SNAP91: variants seen among roughly 807,000 people sequenced by gnomAD.
SNAP91 encodes the protein synaptosome associated protein 91, also known as clathrin coat assembly protein AP180.
SNAP91 carries 27 observed loss-of-function variants against 100.3 expected under a neutral mutation model. The observed-to-expected ratio is 0.27, with a 90% CI of 0.20 to 0.37. SNAP91 has a LOEUF of 0.37. Ranked by LOEUF, SNAP91 falls within the 10% of genes least tolerant of loss-of-function variation. The pLI, the probability that SNAP91 is intolerant of heterozygous loss-of-function variation, is 1.00. For missense variants in SNAP91, 986 were observed against 1,123.7 expected, an observed-to-expected ratio of 0.88 and a Z score of 1.75; for synonymous variants, 404 against 398.6, an observed-to-expected ratio of 1.01 and a Z score of -0.16.
At chr6:83,558,961 G>T (rs1205585295) in intron 28 of SNAP91, among the ~76,000 whole-genome samples, 2 of 152,202 alleles carry the variant, frequency 1.3e-5, no homozygotes, top group Non-Finnish European at 2.9e-5. Flanking sequence ...TCAACAAAGT[G>T]TAACATATTT....
chr6:83,698,674 G>A (rs777433563), intron 2 of SNAP91, among the ~76,000 whole-genome samples: 6 of 152,166 alleles, frequency 3.9e-5, no homozygotes, highest in Non-Finnish European at 8.8e-5. Context: ...GCATTTGTAA[G>A]CATAGCTTTC....
intron 12 of SNAP91, among the ~76,000 whole-genome samples, chr6:83,609,290 G>A (rs1468725723): frequency 2.6e-5 from 4 of 151,980 alleles, no homozygotes; most frequent in Non-Finnish European, 5.9e-5. Context: ...CCAAAATGTA[G>A]AAACAGACCA....
At chr6:83,620,985 G>C (rs904643309) in intron 9 of SNAP91, among the ~76,000 whole-genome samples, 2 of 151,872 alleles carry the variant, frequency 1.3e-5, no homozygotes, top group Non-Finnish European at 2.9e-5. Flanking sequence ...TTACAGGCGT[G>C]AGCCACCGCG....
chr6:83,629,365 G>T (rs2097111071), intron 8 of SNAP91, among the ~76,000 whole-genome samples: 1 of 152,080 alleles, frequency 6.6e-6, no homozygotes, highest in Non-Finnish European at 1.5e-5. Context: ...GGTTCCACAT[G>T]AATTTTAGAA....
rs142128247 is a variant in SNAP91 at position 83,652,380 on chromosome 6, C to G, written c.658+4374G>C. 9.2e-5 allele frequency among the ~76,000 whole-genome samples: 14 copies of G among 151,948 alleles called. No homozygotes were observed. In the East Asian group the frequency reaches 2.7e-3, roughly 29 times the overall value. On this transcript the variant is annotated intron_variant, in intron 7 of 29. Coordinates refer to ENST00000369694, the MANE Select transcript of SNAP91 (RefSeq NM_001242792.2). ...GCATATCAATTACACTTCTTTTTTA[C>G]TTTTTTAGTGGTTCCCATAGAGTTT... is the stretch of plus-strand genomic sequence containing the variant.
chr6:83,684,459 C>T (rs114993251), intron 2 of SNAP91, among the ~76,000 whole-genome samples: 2,349 of 152,230 alleles, frequency 0.015, 69 homozygotes, highest in African/African-American at 0.051. Flanking sequence ...TCTTCTTCCA[C>T]CTGTCCATGA....
rs554062613 is a variant in SNAP91 at position 83,612,701 on chromosome 6, C to A, written c.885-2024G>T. 7.6e-4 allele frequency among the ~76,000 whole-genome samples: 116 copies of A among 151,966 alleles called. No homozygotes were observed. The Middle Eastern group carries it at 0.014, about 18-fold the overall frequency. On this transcript the variant is annotated intron_variant, in intron 11 of 29. Transcript: ENST00000369694. ...CACCAGCCTGGCCAATATGGCGAAA[C>A]CCTGTCTCTACTAAAAATACAAAAA...
chr6:83,707,922 C>G lies in SNAP91; in HGVS notation c.6G>C (p.Ser2=), dbSNP rs756271709. The G allele has an allele frequency of 1.9e-6, 3 of 1,582,738 alleles. No homozygotes were observed. The South Asian group carries it at 3.5e-5, about 19-fold the overall frequency. M[S]GQTLTDRIAA... ...CGATCCGATCCGTGAGCGTTTGGCC[C>G]GACATCTTCTGTGGTCGCGTCTACC... Residue 2 remains serine (S), a synonymous_variant, in exon 2 of 30, where the codon TCG becomes TCC. Transcript: ENST00000369694.
At chr6:83,694,066 A>G (rs1243258857) in intron 2 of SNAP91, among the ~76,000 whole-genome samples, 1 of 152,254 alleles carries the variant, frequency 6.6e-6, no homozygotes, top group Non-Finnish European at 1.5e-5. Flanking sequence ...GTCCACTGAC[A>G]TAAAAGAAGT....
intron 2 of SNAP91, among the ~76,000 whole-genome samples, chr6:83,692,416 G>C (rs190853747): frequency 6.6e-6 from 1 of 152,070 alleles, no homozygotes; most frequent in Non-Finnish European, 1.5e-5. Context: ...TCAGGAGGTT[G>C]AGGCAGAAGA....
chr6:83,559,258 T>C (rs866758351), intron 28 of SNAP91, among the ~76,000 whole-genome samples: 3 of 152,130 alleles, frequency 2.0e-5, no homozygotes, highest in African/African-American at 7.2e-5. Flanking sequence ...GGGTTGAAGA[T>C]TGAGTTCCAC....
At chr6:83,613,211 C>T (rs1035965199) in intron 11 of SNAP91, among the ~76,000 whole-genome samples, 1 of 152,122 alleles carries the variant, frequency 6.6e-6, no homozygotes, top group African/African-American at 2.4e-5. Flanking sequence ...TACCACATTA[C>T]ATCTTAGTTG....
At chr6:83,654,882 A>G (rs562749211) in intron 7 of SNAP91, among the ~76,000 whole-genome samples, 30 of 152,218 alleles carry the variant, frequency 2.0e-4, no homozygotes, top group Admixed American at 5.9e-4. Flanking sequence ...AGGCAGCTAC[A>G]GAACTAGGTA....
chr6:83,666,973 T>C (rs899886564), intron 2 of SNAP91, among the ~76,000 whole-genome samples: 2 of 152,100 alleles, frequency 1.3e-5, no homozygotes, highest in African/African-American at 4.8e-5. Context: ...GTAATGTCTG[T>C]TTCACATACA....
chr6:83,589,488 T>G (rs186932576), intron 22 of SNAP91, among the ~76,000 whole-genome samples: 136 of 152,208 alleles, frequency 8.9e-4, no homozygotes, highest in African/African-American at 3.2e-3. Context: ...CTACGGAAAT[T>G]AAAAGTAAGT....
chr6:83,559,509 AG>A (rs1167571642), intron 28 of SNAP91, among the ~76,000 whole-genome samples: 1 of 152,202 alleles, frequency 6.6e-6, no homozygotes, highest in African/African-American at 2.4e-5. Flanking sequence ...AACTCTTATA[AG>A]TTTAGTACTT....
intron 5 of SNAP91, among the ~76,000 whole-genome samples, 165 bp downstream of exon 5, chr6:83,661,337 C>A (rs2098539992): frequency 6.6e-6 from 1 of 152,106 alleles, no homozygotes; most frequent in East Asian, 1.9e-4. Flanking sequence ...ATGCATATTG[C>A]AACTTCAAGG....
At chr6:83,686,897 T>C (rs1436077117) in intron 2 of SNAP91, 1 of 152,220 alleles carries the variant, frequency 6.6e-6, no homozygotes, top group Non-Finnish European at 1.5e-5. Flanking sequence ...CTCTTGCTAA[T>C]TAACAATAAT....
At chr6:83,671,940 T>C (rs1330692400) in intron 2 of SNAP91, among the ~76,000 whole-genome samples, 2 of 152,106 alleles carry the variant, frequency 1.3e-5, no homozygotes. Flanking sequence ...CTAGATACTT[T>C]TGTGAAAAAT....
Sources: gnomAD v4.1 joint callset for allele counts (sites outside exome capture counted in the v4.1 genomes callset) on GRCh38, gnomAD v4.1.1 for gene constraint, MANE v1.5 for transcripts, NCBI Gene and HGNC (gene_info 2026-07-23, HGNC 2026-07-21) for gene names.